The following BCAT1 variants were observed in gnomAD, a reference collection of about 807,000 sequenced individuals.
BCAT1 encodes branched-chain-amino-acid aminotransferase, cytosolic.
A neutral mutation model predicts 52.4 loss-of-function variants in BCAT1; 48 were observed. The observed-to-expected ratio is 0.92, with a 90% CI of 0.73 to 1.16. The LOEUF is 1.16. Ranked by LOEUF, BCAT1 falls within the 50% of genes most tolerant of loss-of-function variation. The pLI, the probability that BCAT1 is intolerant of heterozygous loss-of-function variation, is 0.00. For missense variants in BCAT1, 451 were observed against 457.1 expected, an observed-to-expected ratio of 0.99 and a Z score of 0.12; for synonymous variants, 167 against 161.3, an observed-to-expected ratio of 1.04 and a Z score of -0.27.
intron 6 of BCAT1, among the ~76,000 whole-genome samples, chr12:24,847,419 A>G (rs1338776946): frequency 6.6e-6 from 1 of 152,230 alleles, no homozygotes; most frequent in African/African-American, 2.4e-5. Context: ...CCTGGTGTAC[A>G]TTCTATGGGT....
chr12:24,822,259 T>C (rs1326733066), intron 10 of BCAT1, among the ~76,000 whole-genome samples: 2 of 152,228 alleles, frequency 1.3e-5, no homozygotes, highest in Non-Finnish European at 2.9e-5. Context: ...CAGGGAGTTA[T>C]GTGGACAATT....
rs1942906332 is a variant in BCAT1 at position 24,894,217 on chromosome 12, A to G, written c.279+58T>C. The G allele has an allele frequency of 2.6e-6, 4 of 1,535,898 alleles. No homozygotes were observed. The South Asian group carries it at 4.6e-5, about 18-fold the overall frequency. Reference sequence around the variant, plus strand: ...AAGAGCTATTTTAGCAGGAGAAGCTACTTAGTACCCACAGTGAAGTGCAAG... The same window carrying G: ...AAGAGCTATTTTAGCAGGAGAAGCTGCTTAGTACCCACAGTGAAGTGCAAG... On this transcript the variant is annotated intron_variant, in intron 3 of 10. Transcript: ENST00000261192.
intron 1 of BCAT1, among the ~76,000 whole-genome samples, chr12:24,929,099 C>A (rs1383618736): frequency 1.3e-5 from 2 of 152,098 alleles, no homozygotes; most frequent in African/African-American, 2.4e-5. Flanking sequence ...ATGAAAGTGA[C>A]CACCTTGACT....
chr12:24,912,423 G>A (rs748624590), intron 1 of BCAT1, among the ~76,000 whole-genome samples: 7 of 152,146 alleles, frequency 4.6e-5, no homozygotes, highest in Non-Finnish European at 8.8e-5. Flanking sequence ...GGGAGGCTGA[G>A]GCAGGAGAAT....
chr12:24,831,018 C>A (rs1190694973), intron 9 of BCAT1, among the ~76,000 whole-genome samples: 1 of 152,150 alleles, frequency 6.6e-6, no homozygotes, highest in East Asian at 1.9e-4. Context: ...GACACTTGAA[C>A]AACACGGGTT....
chr12:24,834,039 C>T (rs1407951557), intron 8 of BCAT1: 2 of 534,914 alleles, frequency 3.7e-6, no homozygotes, highest in African/African-American at 2.1e-5. Flanking sequence ...CCTATGTTGC[C>T]CAGGCTGGGC....
intron 1 of BCAT1, chr12:24,903,278 C>G: frequency 2.3e-6 from 1 of 429,404 alleles, no homozygotes. Context: ...ATGCGCGCCA[C>G]GAACGAGCGC....
intron 5 of BCAT1, among the ~76,000 whole-genome samples, chr12:24,853,719 AG>A (rs1941583318): frequency 6.6e-6 from 1 of 152,202 alleles, no homozygotes; most frequent in South Asian, 2.1e-4. Context: ...GATTAAATAA[AG>A]CAAAAGCCAC....
At chr12:24,925,954 C>A (rs1197356367) in intron 1 of BCAT1, among the ~76,000 whole-genome samples, 1 of 152,210 alleles carries the variant, frequency 6.6e-6, no homozygotes, top group Non-Finnish European at 1.5e-5. Context: ...CTCCACCTCC[C>A]AGCCGCCTGC....
intron 5 of BCAT1, among the ~76,000 whole-genome samples, chr12:24,851,089 C>T (rs187642197): frequency 1.6e-4 from 24 of 152,176 alleles, no homozygotes; most frequent in African/African-American, 5.3e-4. Flanking sequence ...AGAGACCCAA[C>T]GTTTTGAAGG....
intron 6 of BCAT1, among the ~76,000 whole-genome samples, chr12:24,849,289 G>A (rs1941431590): frequency 6.6e-6 from 1 of 152,238 alleles, no homozygotes; most frequent in Non-Finnish European, 1.5e-5. Flanking sequence ...CAGCCAGTTG[G>A]CAGCAGGTGT....
intron 1 of BCAT1, among the ~76,000 whole-genome samples, chr12:24,908,585 C>T (rs1943263665): frequency 6.6e-6 from 1 of 152,164 alleles, no homozygotes; most frequent in Admixed American, 6.5e-5. Context: ...ACCAAGAACA[C>T]AACAAATTAG....
intron 1 of BCAT1, among the ~76,000 whole-genome samples, chr12:24,906,900 C>A (rs1316875686): frequency 1.3e-5 from 2 of 152,200 alleles, no homozygotes; most frequent in East Asian, 3.8e-4. Context: ...CCTCTGACCC[C>A]AGCCTTGCTT....
At chr12:24,948,805 G>A in intron 1 of BCAT1, 122 bp downstream of exon 1, 1 of 1,054,040 alleles carries the variant, frequency 9.5e-7, no homozygotes, top group East Asian at 2.6e-5. Context: ...CGTTTGCGGG[G>A]GATATAAGCC....
intron 1 of BCAT1, among the ~76,000 whole-genome samples, chr12:24,947,167 CCACACACA>C (rs57265449): frequency 0.011 from 1,568 of 141,232 alleles, 13 homozygotes; most frequent in South Asian, 0.029. Flanking sequence ...CGTCTTCCCT[CCACACACA>C]CACACACACA....
In BCAT1 at chr12:24,817,882, A is replaced by T; in HGVS notation, c.*126T>A. 1.1e-6 allele frequency: 1 copy of T among 940,642 alleles called. No homozygotes were observed. The highest frequency in any genetic ancestry group is 1.5e-5 in the South Asian group (1 of 67,138). 58.3% of individuals were successfully genotyped at this position (940,642 alleles called of 1,614,324 possible). ...GAAGAAACAATCACTCTTGTAACAC[A>T]TTGATACTACAAACTACATTATGCA... On this transcript the variant is annotated 3_prime_UTR_variant, in exon 11 of 11. Coordinates refer to ENST00000261192, the MANE Select transcript of BCAT1 (RefSeq NM_005504.7).
chr12:24,947,167 CCACACACACACACACACACACACA>C (rs57265449), intron 1 of BCAT1, among the ~76,000 whole-genome samples: 13 of 141,152 alleles, frequency 9.2e-5, no homozygotes, highest in Non-Finnish European at 1.7e-4. Context: ...CGTCTTCCCT[CCACACACACACACACACACACACA>C]CACACACACA....
chr12:24,815,888 GA>G lies in BCAT1; in HGVS notation c.*2119del, dbSNP rs1939856868. ...ATAATTCTCATTTCTCATAGGAATA[GA>G]AATTTAGTTACTATGTACCACTAGA... On this transcript the variant is annotated 3_prime_UTR_variant, in exon 11 of 11. Coordinates refer to ENST00000261192, the MANE Select transcript of BCAT1 (RefSeq NM_005504.7). 6.6e-6 allele frequency: 1 copy of G among 152,188 alleles called. No individual in the cohort carries two copies. The highest frequency in any genetic ancestry group is 2.4e-5 in the African/African-American group (1 of 41,446). 9.4% of individuals were successfully genotyped at this position (152,188 alleles called of 1,614,324 possible).
intron 1 of BCAT1, among the ~76,000 whole-genome samples, chr12:24,929,872 TTA>T (rs1334362435): frequency 6.6e-6 from 1 of 152,158 alleles, no homozygotes. Context: ...CAAAATAAAT[TTA>T]TGTCTTTTCT....
Sources: gnomAD v4.1 joint callset for allele counts (sites outside exome capture counted in the v4.1 genomes callset) on GRCh38, gnomAD v4.1.1 for gene constraint, MANE v1.5 for transcripts, NCBI Gene and HGNC (gene_info 2026-07-23, HGNC 2026-07-21) for gene names.